The following XKR7 variants were observed in gnomAD, a reference collection of about 807,000 sequenced individuals.
XKR7 encodes the protein XK related 7.
Under a neutral mutation model 42.2 loss-of-function variants are expected in XKR7, and 11 were observed. The ratio of observed to expected loss-of-function variants is 0.26; its 90% CI spans 0.16 to 0.43. The LOEUF is 0.43. Among genes scored for constraint, XKR7 ranks in the 20% least tolerant of loss-of-function variants. XKR7 has a pLI of 1.00. For missense variants in XKR7, 710 were observed against 802.2 expected, an observed-to-expected ratio of 0.89 and a Z score of 1.39; for synonymous variants, 346 against 366.4, an observed-to-expected ratio of 0.94 and a Z score of 0.64.
At chr20:31,978,711 AT>A (rs1568882082) in intron 1 of XKR7, among the ~76,000 whole-genome samples, 3 of 152,238 alleles carry the variant, frequency 2.0e-5, no homozygotes, top group Admixed American at 2.0e-4. Context: ...CAAAATCTAA[AT>A]AATCATACAT....
intron 1 of XKR7, among the ~76,000 whole-genome samples, chr20:31,991,570 A>T (rs2064570898): frequency 6.6e-6 from 1 of 152,004 alleles, no homozygotes; most frequent in African/African-American, 2.4e-5. Flanking sequence ...CAAGCTCATC[A>T]CCCCTGATTC....
Position 31,996,995 on chromosome 20 carries a change from G to A in XKR7, c.1278G>A (p.Ala426=), listed in dbSNP as rs2064596112. The A allele has an allele frequency of 1.9e-6, 3 of 1,613,964 alleles. No individual in the cohort carries two copies. The highest frequency in any genetic ancestry group is 2.2e-5 in the East Asian group (1 of 44,890). The change falls in exon 3 of 3, where the codon GCG becomes GCA. Residue 426 remains alanine, a synonymous_variant. Coordinates refer to ENST00000562532, the MANE Select transcript of XKR7 (RefSeq NM_001011718.2). The part of the protein sequence containing the change: ...IMVCVVASSF[A]LGIFFMCVYY... ...TCTGCGTAGTGGCCTCCAGCTTTGC[G>A]CTGGGCATATTCTTCATGTGTGTCT...
Position 31,980,899 on chromosome 20 carries a change from T to C in XKR7, c.584+12140T>C, listed in dbSNP as rs144170905. 7.9e-5 allele frequency among the ~76,000 whole-genome samples: 12 copies of C among 151,820 alleles called. 1 individual carries two copies. The East Asian group carries it at 1.9e-3, about 25-fold the overall frequency. On this transcript the variant is annotated intron_variant, in intron 1 of 2. Transcript: ENST00000562532. ...CAACGTAGAGAGACCTTATCTCTACTAAAAATTTAAAAAAATATATCCTGG... is the reference window on the plus strand; with the variant it reads ...CAACGTAGAGAGACCTTATCTCTACCAAAAATTTAAAAAAATATATCCTGG...
chr20:31,989,831 T>C (rs2064561313), intron 1 of XKR7, among the ~76,000 whole-genome samples: 1 of 152,238 alleles, frequency 6.6e-6, no homozygotes, highest in Admixed American at 6.5e-5. Flanking sequence ...CAGGCTGGTC[T>C]TGAACTCCTG....
At chr20:31,981,894 G>C (rs553392903) in intron 1 of XKR7, among the ~76,000 whole-genome samples, 1 of 152,170 alleles carries the variant, frequency 6.6e-6, no homozygotes, top group East Asian at 1.9e-4. Flanking sequence ...TACCTTCCCT[G>C]CCTCCTTTAC....
intron 1 of XKR7, among the ~76,000 whole-genome samples, chr20:31,975,069 C>A (rs2064479403): frequency 6.6e-6 from 1 of 152,096 alleles, no homozygotes; most frequent in Non-Finnish European, 1.5e-5. Flanking sequence ...CGGAGGGCTG[C>A]CAGGAAATGG....
chr20:31,997,445 G>C lies in XKR7; in HGVS notation c.1728G>C (p.Glu576Asp). 1 of 1,596,844 alleles carries C rather than the reference G, an allele frequency of 6.3e-7. No individual in the cohort carries two copies. The highest frequency in any genetic ancestry group is 8.5e-7 in the Non-Finnish European group (1 of 1,178,640). Residue 576 changes from glutamate to aspartate, a missense_variant, in exon 3 of 3, where the codon GAG becomes GAC. By Grantham distance (45) the Glu-to-Asp change is conservative. Coordinates refer to ENST00000562532, the MANE Select transcript of XKR7 (RefSeq NM_001011718.2). ...VGTSQELLEYETTV is the reference protein window; with the variant it reads ...VGTSQELLEYDTTV Reference sequence around the variant, plus strand: ...CTTCCCAGGAGCTGCTGGAGTATGAGACCACAGTGTAGGCTACAGTGTCCC... The same window carrying C: ...CTTCCCAGGAGCTGCTGGAGTATGACACCACAGTGTAGGCTACAGTGTCCC...
At position 31,997,623 on chromosome 20, in the gene XKR7, G is replaced by A. The variant is rs972150546; in HGVS notation, c.*166G>A. The A allele has an allele frequency of 6.1e-5, 41 of 674,436 alleles. 2 individuals carry two copies. Among genetic ancestry groups the A allele is most frequent in the Admixed American group, 5.2e-4 (17 of 32,562 alleles). 41.8% of individuals were successfully genotyped at this position (674,436 alleles called of 1,614,324 possible). Reference sequence around the variant, plus strand: ...CTTTCAGGGGAGGGGGCAGCCTTGCGGAGGCCCCAGCCCTGGGCCCCGTTT... The same window carrying A: ...CTTTCAGGGGAGGGGGCAGCCTTGCAGAGGCCCCAGCCCTGGGCCCCGTTT... On this transcript the variant is annotated 3_prime_UTR_variant, in exon 3 of 3. Coordinates refer to ENST00000562532, the MANE Select transcript of XKR7 (RefSeq NM_001011718.2).
rs2064611325 is a variant in XKR7, at chr20:31,999,042, C to CCCCCCCCCA, written c.*1586_*1587insCCCCCCCAC. 6.9e-6 allele frequency: 1 copy of CCCCCCCCCA among 144,546 alleles called. No homozygotes were observed. Among genetic ancestry groups the CCCCCCCCCA allele is most frequent in the African/African-American group, 2.5e-5 (1 of 40,364 alleles). The allele number at this position is 144,546 out of a possible 1,614,324, so 9.0% of individuals were successfully genotyped here. ...GGAACCCAACCCACCCCCCACCCCCCCACACACACACTCCCACAGCAACTT... is the reference window on the plus strand; with the variant it reads ...GGAACCCAACCCACCCCCCACCCCCCCCCCCCCCACACACACACACTCCCACAGCAACTT... On this transcript the variant is annotated 3_prime_UTR_variant, in exon 3 of 3. Coordinates refer to ENST00000562532, the MANE Select transcript of XKR7 (RefSeq NM_001011718.2).
chr20:31,994,993 G>A, intron 1 of XKR7, 75 bp from the exon 2 acceptor site: 1 of 1,518,742 alleles, frequency 6.6e-7, no homozygotes, highest in Non-Finnish European at 8.8e-7. Flanking sequence ...CTGCGCCTGT[G>A]GGCGGCTCGG....
At chr20:31,988,235 A>T (rs2064552032) in intron 1 of XKR7, among the ~76,000 whole-genome samples, 1 of 152,204 alleles carries the variant, frequency 6.6e-6, no homozygotes, top group African/African-American at 2.4e-5. Context: ...TGGCTTCTCA[A>T]GAACATGGGA....
intron 1 of XKR7, among the ~76,000 whole-genome samples, chr20:31,991,981 A>G (rs2004822): frequency 0.43 from 64,864 of 151,960 alleles, 15,730 homozygotes; most frequent in African/African-American, 0.67. Context: ...GCCAGGCATG[A>G]TGGCGTATGC....
rs374974359 is a variant in XKR7, at chr20:31,995,198, C to A, written c.715C>A (p.Arg239Ser). The change falls in exon 2 of 3, where the codon CGC becomes AGC. Residue 239 changes from arginine (R) to serine (S), a missense_variant. Arg to Ser is a moderately radical substitution (Grantham distance 110). This residue lies in a region of XKR7 where 708 missense variants were observed against 786.2 expected (regional missense o/e 0.90). Coordinates refer to ENST00000562532, the MANE Select transcript of XKR7 (RefSeq NM_001011718.2). The surrounding 1 kb of genome is among the most constrained non-coding windows in gnomAD (Gnocchi z 4.1). ...SMLRLLETFLRSAPQLVLQLS... is the reference protein window; with the variant it reads ...SMLRLLETFLSSAPQLVLQLS... ...GCTGCGCTTGCTGGAGACCTTCCTG[C>A]GCAGCGCGCCGCAGCTAGTGCTGCA... 3.2e-6 allele frequency: 5 copies of A among 1,546,234 alleles called. No individual in the cohort carries two copies. In the African/African-American group the frequency reaches 4.1e-5, roughly 13 times the overall value.
At chr20:31,983,363 T>G (rs2064522339) in intron 1 of XKR7, among the ~76,000 whole-genome samples, 1 of 152,134 alleles carries the variant, frequency 6.6e-6, no homozygotes, top group South Asian at 2.1e-4. Context: ...TGACAGAAAG[T>G]GACCAGAGAG....
rs1160564853 is a variant in XKR7, at chr20:31,995,975, G to A, written c.788-530G>A. Among the ~76,000 whole-genome samples the A allele has an allele frequency of 6.6e-6, 1 of 151,934 alleles. No individual in the cohort carries two copies. Among genetic ancestry groups the A allele is most frequent in the East Asian group, 1.9e-4 (1 of 5,156 alleles). The stretch of plus-strand genomic sequence containing the variant: ...CATGGCCCTGGGGACCCCTTGCCCA[G>A]TTACGGGGTCCCAATCACAACGCTT... On this transcript the variant is annotated intron_variant, in intron 2 of 2. Transcript: ENST00000562532. This position sits in a 1 kb window ranked among gnomAD's most constrained non-coding sequence, Gnocchi z 4.1.
At position 31,996,728 on chromosome 20, in the gene XKR7, CGT is replaced by C. The variant is rs1568893650; in HGVS notation, c.1012_1013del (p.Val338HisfsTer119). 1 of 1,613,334 alleles carries C rather than the reference CGT, an allele frequency of 6.2e-7. No individual in the cohort carries two copies. The highest frequency in any genetic ancestry group is 8.5e-7 in the Non-Finnish European group (1 of 1,179,730). ...FGIFIVAHWCVMTFWVIQGET... is the reference protein window; with the variant it reads ...FGIFIVAHWCXMTFWVIQGET... ...GCATCTTCATCGTGGCCCACTGGTG[CGT>C]CATGACCTTCTGGGTCATCCAAGGG... On this transcript the variant is annotated frameshift_variant, in exon 3 of 3. Coordinates refer to ENST00000562532, the MANE Select transcript of XKR7 (RefSeq NM_001011718.2). LOFTEE classifies it high-confidence loss of function.
intron 1 of XKR7, among the ~76,000 whole-genome samples, chr20:31,985,955 C>CA (rs1274875724): frequency 4.2e-5 from 4 of 94,260 alleles, no homozygotes; most frequent in African/African-American, 6.6e-5. Flanking sequence ...ACCCAGCATC[C>CA]AGACACAGAC....
chr20:31,979,949 G>T (rs1397029481), intron 1 of XKR7, among the ~76,000 whole-genome samples: 2 of 152,072 alleles, frequency 1.3e-5, no homozygotes, highest in African/African-American at 4.8e-5. Context: ...CATACAGTGA[G>T]GGATGTGGGA....
Position 31,995,612 on chromosome 20 carries a change from G to T in XKR7, c.787+342G>T, listed in dbSNP as rs2064587927. The stretch of plus-strand genomic sequence containing the variant: ...CCACCCAAACACCTTAGACCCTCTG[G>T]GGAATCCCCTGCCCACTTCCTTCCC... On this transcript the variant is annotated intron_variant, in intron 2 of 2. Coordinates refer to ENST00000562532, the MANE Select transcript of XKR7 (RefSeq NM_001011718.2). This position sits in a 1 kb window ranked among gnomAD's most constrained non-coding sequence, Gnocchi z 4.1. Among the ~76,000 whole-genome samples the T allele has an allele frequency of 2.6e-5, 4 of 151,922 alleles. No individual in the cohort carries two copies. In the South Asian group the frequency reaches 8.3e-4, roughly 32 times the overall value.
Sources: gnomAD v4.1 joint callset for allele counts (sites outside exome capture counted in the v4.1 genomes callset) on GRCh38, gnomAD v4.1.1 for gene constraint, gnomAD v4.1.1 regional missense constraint, Gnocchi (gnomAD v3.1) non-coding constraint, MANE v1.5 for transcripts, NCBI Gene and HGNC (gene_info 2026-07-23, HGNC 2026-07-21) for gene names.